Variants in RAD23B observed in about 807,000 individuals in gnomAD.
RAD23B encodes the protein RAD23 nucleotide excision repair protein B.
Under a neutral mutation model 49.1 loss-of-function variants are expected in RAD23B, and 5 were observed. The ratio of observed to expected loss-of-function variants is 0.10; its 90% CI spans 0.05 to 0.21. RAD23B has a LOEUF of 0.21. Among genes scored for constraint, RAD23B ranks in the 10% least tolerant of loss-of-function variants. The pLI is 1.00. For missense variants in RAD23B, 356 were observed against 486.7 expected, an observed-to-expected ratio of 0.73 and a Z score of 2.53; for synonymous variants, 184 against 165.4, an observed-to-expected ratio of 1.11 and a Z score of -0.86.
intron 1 of RAD23B, among the ~76,000 whole-genome samples, chr9:107,297,776 T>A (rs1009120733): frequency 7.2e-5 from 11 of 152,140 alleles, no homozygotes; most frequent in Admixed American, 1.3e-4. Flanking sequence ...TCCCTCATTT[T>A]TGATATAAAG....
At chr9:107,289,190 T>C (rs1443191946) in intron 1 of RAD23B, among the ~76,000 whole-genome samples, 2 of 148,612 alleles carry the variant, frequency 1.3e-5, no homozygotes, top group South Asian at 2.2e-4. Flanking sequence ...CCTTCCTTCC[T>C]TCCCTTCCTT....
At position 107,309,188 on chromosome 9, in the gene RAD23B, G is replaced by A. The variant is rs554265564; in HGVS notation, c.498-2494G>A. On this transcript the variant is annotated intron_variant, in intron 4 of 9. Coordinates refer to ENST00000358015, the MANE Select transcript of RAD23B (RefSeq NM_002874.5). The stretch of plus-strand genomic sequence containing the variant: ...GAGTGTGTTTGACATGAATTCTTGG[G>A]CCACCCTGGACCTGTAAATCAGAAT... Among the ~76,000 whole-genome samples, 53 of 152,252 alleles carry A rather than the reference G, an allele frequency of 3.5e-4. No homozygotes were observed. The South Asian group carries it at 7.5e-3, about 21-fold the overall frequency.
At position 107,306,662 on chromosome 9, in the gene RAD23B, C is replaced by T; in HGVS notation, c.497+15C>T. On this transcript the variant is annotated intron_variant, in intron 4 of 9. Coordinates refer to ENST00000358015, the MANE Select transcript of RAD23B (RefSeq NM_002874.5). ...GCAACTGACAGGTAGGAACTGGATT[C>T]TAGGACATTCTATCTCAAAATCCGT... The T allele has an allele frequency of 3.1e-6, 5 of 1,596,250 alleles. No homozygotes were observed. Among genetic ancestry groups the T allele is most frequent in the Non-Finnish European group, 4.3e-6 (5 of 1,169,782 alleles).
intron 3 of RAD23B, among the ~76,000 whole-genome samples, chr9:107,303,614 A>G (rs1564244568): frequency 2.0e-5 from 3 of 152,208 alleles, no homozygotes; most frequent in Admixed American, 6.5e-5. Flanking sequence ...TCACCATCAT[A>G]TAAGTGGAAT....
chr9:107,298,377 G>A (rs1010200652), intron 1 of RAD23B, among the ~76,000 whole-genome samples: 1 of 150,548 alleles, frequency 6.6e-6, no homozygotes, highest in Non-Finnish European at 1.5e-5. Flanking sequence ...GCAGTGGTAT[G>A]ATCTTGGCCC....
rs1833198505 is a variant in RAD23B, at chr9:107,283,487, G to C, written c.-143G>C. 1.8e-6 allele frequency: 1 copy of C among 540,576 alleles called. No individual in the cohort carries two copies. Among genetic ancestry groups the C allele is most frequent in the Non-Finnish European group, 3.0e-6 (1 of 330,956 alleles). 33.5% of individuals were successfully genotyped at this position (540,576 alleles called of 1,614,324 possible). A position where few individuals can be genotyped will look rare whatever the true frequency, so the allele number is the denominator to read the frequency against. ...TGGGGGAGAGGCCGCTCCGCTGGGC[G>C]AATGTGACAAGCCCCCACCCCCACC... is the stretch of plus-strand genomic sequence containing the variant. On this transcript the variant is annotated 5_prime_UTR_variant, in exon 1 of 10. Transcript: ENST00000358015.
intron 5 of RAD23B, among the ~76,000 whole-genome samples, chr9:107,312,985 C>T (rs17724694): frequency 0.039 from 5,969 of 152,254 alleles, 164 homozygotes; most frequent in Admixed American, 0.074. Flanking sequence ...TTTATGGTCT[C>T]GGGATCCCTC....
intron 8 of RAD23B, among the ~76,000 whole-genome samples, chr9:107,324,427 G>A (rs1010971268): frequency 1.3e-5 from 2 of 152,048 alleles, no homozygotes; most frequent in Admixed American, 6.6e-5. Flanking sequence ...ATAGCTGTGG[G>A]GCTTCTTTAG....
In RAD23B at chr9:107,328,902, C is replaced by T. The variant is rs116217205; in HGVS notation, c.1117-641C>T. Reference sequence around the variant, plus strand: ...AGACTAGGAAAATGAAATTAAGTAGCTGGTATTACCATTTAAAATGCTGTA... The same window carrying T: ...AGACTAGGAAAATGAAATTAAGTAGTTGGTATTACCATTTAAAATGCTGTA... On this transcript the variant is annotated intron_variant, in intron 9 of 9. Transcript: ENST00000358015. Among the ~76,000 whole-genome samples, 644 of 152,282 alleles carry T rather than the reference C, an allele frequency of 4.2e-3. 3 individuals are homozygous for T. Among genetic ancestry groups the T allele is most frequent in the African/African-American group, 0.015 (617 of 41,556 alleles).
chr9:107,299,208 C>A (rs1405757627), intron 1 of RAD23B, among the ~76,000 whole-genome samples: 1 of 152,018 alleles, frequency 6.6e-6, no homozygotes, highest in Non-Finnish European at 1.5e-5. Context: ...CAAAAGAAAC[C>A]TTTATTTGTA....
intron 9 of RAD23B, among the ~76,000 whole-genome samples, chr9:107,327,116 A>G (rs894028097): frequency 2.0e-5 from 3 of 152,166 alleles, no homozygotes; most frequent in African/African-American, 7.2e-5. Flanking sequence ...CAGTCATTTG[A>G]GTCCTAAGAT....
intron 4 of RAD23B, among the ~76,000 whole-genome samples, chr9:107,311,158 C>T (rs1024778648): frequency 1.3e-5 from 2 of 152,130 alleles, no homozygotes; most frequent in African/African-American, 4.8e-5. Context: ...GGATTTAACC[C>T]ATATCTACCT....
intron 3 of RAD23B, among the ~76,000 whole-genome samples, chr9:107,305,743 C>G (rs1826749252): frequency 6.6e-6 from 1 of 151,956 alleles, no homozygotes; most frequent in African/African-American, 2.4e-5. Context: ...GGATTTTCCT[C>G]CCTCTTCTAA....
At chr9:107,303,772 A>G (rs944996575) in intron 3 of RAD23B, among the ~76,000 whole-genome samples, 11 of 152,306 alleles carry the variant, frequency 7.2e-5, no homozygotes, top group East Asian at 1.9e-4. Context: ...TTTAGCATAC[A>G]TAGTACATAA....
intron 9 of RAD23B, among the ~76,000 whole-genome samples, chr9:107,328,881 T>C (rs1389126176): frequency 6.6e-6 from 1 of 152,152 alleles, no homozygotes; most frequent in Admixed American, 6.5e-5. Flanking sequence ...TATAATAGAC[T>C]AGGAAAATGA....
At chr9:107,321,274 GATACTTTAAGTATCTCATTTATGA>G (rs1827106232) in intron 6 of RAD23B, among the ~76,000 whole-genome samples, 2 of 149,230 alleles carry the variant, frequency 1.3e-5, no homozygotes, top group African/African-American at 5.0e-5. Flanking sequence ...TCATTTATGA[GATACTTTAAGTATCTCATTTATGA>G]GATACTTTGA....
chr9:107,323,692 A>ATT (rs1827149463), intron 7 of RAD23B, among the ~76,000 whole-genome samples, 198 bp from the exon 8 acceptor site: 1 of 152,192 alleles, frequency 6.6e-6, no homozygotes, highest in Non-Finnish European at 1.5e-5. Flanking sequence ...TGCCTTTGCT[A>ATT]ATAGGAGTAA....
At chr9:107,294,426 A>T (rs1372556842) in intron 1 of RAD23B, among the ~76,000 whole-genome samples, 1 of 152,040 alleles carries the variant, frequency 6.6e-6, no homozygotes, top group Non-Finnish European at 1.5e-5. Flanking sequence ...GTTTATATTC[A>T]CTCTGTTGAG....
Position 107,318,970 on chromosome 9 carries a change from G to A in RAD23B, c.681+91G>A. ...TTAAAGGACCAGTTCACTTGTCACTGATATATGCTAGATGATATACATAAT... is the reference window on the plus strand; with the variant it reads ...TTAAAGGACCAGTTCACTTGTCACTAATATATGCTAGATGATATACATAAT... On this transcript the variant is annotated intron_variant, in intron 6 of 9. Coordinates refer to ENST00000358015, the MANE Select transcript of RAD23B (RefSeq NM_002874.5). The surrounding 1 kb of genome is among the most constrained non-coding windows in gnomAD (Gnocchi z 4.3). The A allele has an allele frequency of 7.7e-7, 1 of 1,304,910 alleles. No homozygotes were observed. The highest frequency in any genetic ancestry group is 1.1e-6 in the Non-Finnish European group (1 of 947,404). 80.8% of individuals were successfully genotyped at this position (1,304,910 alleles called of 1,614,324 possible). A position where few individuals can be genotyped will look rare whatever the true frequency, so the allele number is the denominator to read the frequency against.
Sources: gnomAD v4.1 joint callset for allele counts (sites outside exome capture counted in the v4.1 genomes callset) on GRCh38, gnomAD v4.1.1 for gene constraint, Gnocchi (gnomAD v3.1) non-coding constraint, MANE v1.5 for transcripts, NCBI Gene and HGNC (gene_info 2026-07-23, HGNC 2026-07-21) for gene names.